UBE2U: variants seen among roughly 807,000 people sequenced by gnomAD.
The protein encoded by UBE2U is ubiquitin conjugating enzyme E2 U.
Under a neutral mutation model 41.2 loss-of-function variants are expected in UBE2U, and 39 were observed. That is an observed-to-expected ratio of 0.95 (90% CI 0.73 to 1.24). The LOEUF (loss-of-function observed/expected upper bound fraction) is 1.24, where lower values mean the gene tolerates loss of function less well. UBE2U is among the 50% of genes most tolerant of loss of function. UBE2U has a pLI of 0.00. For synonymous variants in UBE2U, 107 were observed against 117.8 expected, an observed-to-expected ratio of 0.91 and a Z score of 0.60; for missense variants, 336 against 363.1, an observed-to-expected ratio of 0.93 and a Z score of 0.61.
In UBE2U at chr1:64,214,952, G is replaced by T; in HGVS notation, c.457+20G>T. 1 of 1,584,224 alleles carries T rather than the reference G, an allele frequency of 6.3e-7. No homozygotes were observed. The highest frequency in any genetic ancestry group is 8.7e-7 in the Non-Finnish European group (1 of 1,153,078). On this transcript the variant is annotated intron_variant, in intron 5 of 9. Transcript: ENST00000371077. ...TACAAAGTAAGAAGTATCTACTTTT[G>T]TTAGGTGCAGTGGCTCACGCCTGTA...
chr1:64,248,346 G>A (rs1644954726), intron 8 of UBE2U, among the ~76,000 whole-genome samples: 1 of 152,134 alleles, frequency 6.6e-6, no homozygotes, highest in Non-Finnish European at 1.5e-5. Flanking sequence ...AGAGTCATAT[G>A]AGATTGCATT....
At chr1:64,241,768 A>G in intron 8 of UBE2U, 35 bp downstream of exon 8, 1 of 1,497,096 alleles carries the variant, frequency 6.7e-7, no homozygotes, top group Non-Finnish European at 9.2e-7. Context: ...TGTGTACATT[A>G]ACTTGAATTG....
At chr1:64,264,779 C>T (rs1033896512) in intron 9 of UBE2U, among the ~76,000 whole-genome samples, 1 of 151,940 alleles carries the variant, frequency 6.6e-6, no homozygotes, top group African/African-American at 2.4e-5. Flanking sequence ...ATGGTAAAAC[C>T]CCATCCCTAC....
intron 5 of UBE2U, among the ~76,000 whole-genome samples, chr1:64,219,942 C>G (rs1652321030): frequency 6.6e-6 from 1 of 152,230 alleles, no homozygotes; most frequent in Admixed American, 6.5e-5. Flanking sequence ...TTATCCATCT[C>G]TTTGTTCGTT....
chr1:64,210,669 T>C, intron 3 of UBE2U, 73 bp from the exon 4 acceptor site: 1 of 1,030,374 alleles, frequency 9.7e-7, no homozygotes, highest in Non-Finnish European at 1.3e-6. Context: ...TTCTGGCTTA[T>C]CATTTTGATG....
chr1:64,261,680 T>A (rs1645182454), intron 9 of UBE2U, among the ~76,000 whole-genome samples: 1 of 152,168 alleles, frequency 6.6e-6, no homozygotes, highest in African/African-American at 2.4e-5. Flanking sequence ...GATTTCAGGG[T>A]ACCTGTGAGG....
intron 9 of UBE2U, 110 bp from the exon 10 acceptor site, chr1:64,266,914 T>C: frequency 1.0e-6 from 1 of 977,316 alleles, no homozygotes; most frequent in Non-Finnish European, 1.5e-6. Flanking sequence ...GTTGCTCACA[T>C]TCATTCAGAT....
At chr1:64,223,789 G>T (rs1652660745) in intron 6 of UBE2U, among the ~76,000 whole-genome samples, 1 of 152,110 alleles carries the variant, frequency 6.6e-6, no homozygotes, top group African/African-American at 2.4e-5. Context: ...TGCCAAAGTG[G>T]CTTCTAGAGG....
chr1:64,203,740 GC>G lies in UBE2U; in HGVS notation c.-310del. The G allele has an allele frequency of 3.6e-6, 1 of 277,642 alleles. No individual in the cohort carries two copies. The highest frequency in any genetic ancestry group is 6.7e-6 in the Non-Finnish European group (1 of 149,038). 17.2% of individuals were successfully genotyped at this position (277,642 alleles called of 1,614,324 possible). A position where few individuals can be genotyped will look rare whatever the true frequency, so the allele number is the denominator to read the frequency against. On this transcript the variant is annotated 5_prime_UTR_variant, in exon 1 of 10. The change abolishes the stop of an existing upstream ORF in the 5' untranslated region. Transcript: ENST00000371077. ...TCCCACTCACGCGCCGACGACATGGGCTTGTCTCCGTTACTCATCCAAGTTT... is the reference window on the plus strand; with the variant it reads ...TCCCACTCACGCGCCGACGACATGGGTTGTCTCCGTTACTCATCCAAGTTT...
At chr1:64,250,949 A>C (rs537943704) in intron 8 of UBE2U, among the ~76,000 whole-genome samples, 49 of 151,376 alleles carry the variant, frequency 3.2e-4, no homozygotes, top group African/African-American at 1.2e-3. Context: ...GCATTAGGAG[A>C]TACACCTAAT....
At chr1:64,255,342 G>A (rs971420347) in intron 8 of UBE2U, among the ~76,000 whole-genome samples, 1 of 151,988 alleles carries the variant, frequency 6.6e-6, no homozygotes, top group African/African-American at 2.4e-5. Flanking sequence ...CAGAGGTACA[G>A]AGAAGAGCTG....
chr1:64,221,868 G>C (rs989106337), intron 6 of UBE2U, among the ~76,000 whole-genome samples: 3 of 151,990 alleles, frequency 2.0e-5, no homozygotes, highest in South Asian at 2.1e-4. Flanking sequence ...GGGTGGATCA[G>C]GAGGTCAGAA....
chr1:64,260,466 C>CTCAG (rs59424600), intron 8 of UBE2U, 137 bp from the exon 9 acceptor site: 141,185 of 607,834 alleles, frequency 0.23, 17,485 homozygotes, highest in Middle Eastern at 0.35. Flanking sequence ...TTAGTCAAGA[C>CTCAG]TCAGAATGGT....
chr1:64,207,087 A>G (rs890189623), intron 3 of UBE2U, among the ~76,000 whole-genome samples: 25 of 152,086 alleles, frequency 1.6e-4, no homozygotes, highest in Admixed American at 1.5e-3. Flanking sequence ...CTAAGTATGA[A>G]TTTTTTCTAT....
intron 7 of UBE2U, among the ~76,000 whole-genome samples, chr1:64,238,660 A>G (rs1484958012): frequency 6.6e-6 from 1 of 152,166 alleles, no homozygotes; most frequent in Non-Finnish European, 1.5e-5. Context: ...AAAATCATGT[A>G]AAAAAGGAAA....
At chr1:64,223,293 G>A (rs1652619536) in intron 6 of UBE2U, among the ~76,000 whole-genome samples, 1 of 152,116 alleles carries the variant, frequency 6.6e-6, no homozygotes. Context: ...TTGTTGCACA[G>A]TATCAGAAGA....
intron 7 of UBE2U, among the ~76,000 whole-genome samples, chr1:64,235,875 A>G (rs1236028457): frequency 6.6e-6 from 1 of 152,166 alleles, no homozygotes; most frequent in Admixed American, 6.5e-5. Context: ...AGCACCTAAT[A>G]TATGTCGTGC....
At chr1:64,239,095 A>AG (rs1644739348) in intron 7 of UBE2U, among the ~76,000 whole-genome samples, 2 of 13,012 alleles carry the variant, frequency 1.5e-4, no homozygotes, top group African/African-American at 9.9e-4. Context: ...AGGAAGAGGA[A>AG]GAAGAAGAAG....
intron 7 of UBE2U, among the ~76,000 whole-genome samples, chr1:64,239,079 AG>A (rs1472407496): frequency 1.1e-4 from 7 of 62,190 alleles, no homozygotes; most frequent in Non-Finnish European, 1.6e-4. Context: ...GAAGAGGAAG[AG>A]GAAGAGGAAG....
Sources: gnomAD v4.1 joint callset for allele counts (sites outside exome capture counted in the v4.1 genomes callset) on GRCh38, gnomAD v4.1.1 for gene constraint, MANE v1.5 for transcripts, NCBI Gene and HGNC (gene_info 2026-07-23, HGNC 2026-07-21) for gene names.